Variants in RBPJ observed in about 807,000 individuals in gnomAD.
The protein encoded by RBPJ is recombination signal binding protein for immunoglobulin kappa J region, also known as recombining binding protein suppressor of hairless.
Under a neutral mutation model 67.8 loss-of-function variants are expected in RBPJ, and 9 were observed. The ratio of observed to expected loss-of-function variants is 0.13; its 90% CI spans 0.08 to 0.23. The LOEUF is 0.23. Among genes scored for constraint, RBPJ ranks in the 10% least tolerant of loss-of-function variants. The pLI, the probability that RBPJ is intolerant of heterozygous loss-of-function variation, is 1.00. For missense variants in RBPJ, 305 were observed against 595.6 expected (o/e 0.51, Z 5.08); for synonymous variants, 198 against 203.3 (o/e 0.97, Z 0.22).
Position 26,198,561 on chromosome 4 carries a change from T to C in RBPJ, c.-167+34947T>C, listed in dbSNP as rs141715010. On this transcript the variant is annotated intron_variant, in intron 1 of 4. Coordinates refer to the RBPJ transcript ENST00000512351. The stretch of plus-strand genomic sequence containing the variant: ...GTAGCATTTATCTTGTGCCAGACCC[T>C]GTTCTATTTGAATATATTAACTCAA... 1.5e-3 allele frequency among the ~76,000 whole-genome samples: 230 copies of C among 152,370 alleles called. 6 individuals are homozygous for C. The highest frequency in any genetic ancestry group is 5.4e-3 in the African/African-American group (223 of 41,588).
the RBPJ span, among the ~76,000 whole-genome samples, chr4:26,135,666 T>C: frequency 6.6e-6 from 1 of 152,234 alleles, no homozygotes; most frequent in East Asian, 1.9e-4. Context: ...CTAAAAGGCC[T>C]GGCTAGGTAT....
chr4:26,243,339 G>A (rs1719714514), intron 1 of RBPJ, among the ~76,000 whole-genome samples: 2 of 152,340 alleles, frequency 1.3e-5, no homozygotes, highest in South Asian at 2.1e-4. Context: ...AATAAATGAA[G>A]TGAGTCTGTC....
intron 1 of RBPJ, among the ~76,000 whole-genome samples, chr4:26,299,499 A>G (rs1721998407): frequency 6.6e-6 from 1 of 152,190 alleles, no homozygotes; most frequent in Admixed American, 6.6e-5. Context: ...GAACTAATAT[A>G]GCATTTTAGG....
chr4:26,254,670 G>T (rs1248451144), intron 1 of RBPJ, among the ~76,000 whole-genome samples: 5 of 147,018 alleles, frequency 3.4e-5, no homozygotes, highest in African/African-American at 1.4e-4. Context: ...ATGCTATATA[G>T]CATGTTTATT....
intron 1 of RBPJ, among the ~76,000 whole-genome samples, chr4:26,263,850 G>A (rs1283777490): frequency 6.6e-6 from 1 of 151,072 alleles, no homozygotes; most frequent in African/African-American, 2.4e-5. Context: ...GATTACAGGC[G>A]TGAGCCACAG....
chr4:26,318,795 G>C (rs1022162792), upstream of RBPJ, among the ~76,000 whole-genome samples: 6 of 151,826 alleles, frequency 4.0e-5, no homozygotes, highest in Non-Finnish European at 7.4e-5. Flanking sequence ...TCAGGAGATC[G>C]AGACCATCCT....
chr4:26,315,085 C>A (rs560248744), upstream of RBPJ, among the ~76,000 whole-genome samples: 78 of 134,286 alleles, frequency 5.8e-4, 1 homozygote, highest in African/African-American at 2.0e-3. Flanking sequence ...GGGGAGGTTG[C>A]AGAGCACGGA....
intron 1 of RBPJ, among the ~76,000 whole-genome samples, chr4:26,244,452 T>TATGTGTGTACAC (rs1560226681): frequency 9.1e-5 from 1 of 11,030 alleles, no homozygotes; most frequent in Non-Finnish European, 2.1e-4. Context: ...TGTGTATACA[T>TATGTGTGTACAC]ATATGTGTGT....
intron 1 of RBPJ, among the ~76,000 whole-genome samples, chr4:26,182,247 C>G (rs1048314903): frequency 6.6e-6 from 1 of 151,950 alleles, no homozygotes; most frequent in Non-Finnish European, 1.5e-5. Context: ...GAGGCTGAGA[C>G]AGGAGAATGG....
chr4:26,375,695 A>T (rs886728718), intron 1 of RBPJ, among the ~76,000 whole-genome samples: 1 of 152,222 alleles, frequency 6.6e-6, no homozygotes, highest in Admixed American at 6.5e-5. Flanking sequence ...GTTTTCCATA[A>T]TCACATTGTG....
rs1736477003 is a variant in RBPJ, at chr4:26,434,192, T to G, written c.*3185T>G. On this transcript the variant is annotated 3_prime_UTR_variant, in exon 11 of 11. Transcript: ENST00000355476. ...TGGCAATTAAAGGCATGTTTATACA[T>G]GACTTAATCGTGAAATGTTTGTCAC... The G allele has an allele frequency of 6.6e-6, 1 of 152,268 alleles. No homozygotes were observed. The allele number at this position is 152,268 out of a possible 1,614,324, so 9.4% of individuals were successfully genotyped here. A position where few individuals can be genotyped will look rare whatever the true frequency, so the allele number is the denominator to read the frequency against.
intron 1 of RBPJ, among the ~76,000 whole-genome samples, chr4:26,275,616 G>GT (rs869248480): frequency 1.5e-5 from 2 of 135,190 alleles, no homozygotes; most frequent in Admixed American, 1.6e-4. Context: ...CAAATCATAG[G>GT]TTTTTTGTTT....
intron 1 of RBPJ, among the ~76,000 whole-genome samples, chr4:26,362,974 A>G (rs191785774): frequency 3.9e-5 from 6 of 152,304 alleles, no homozygotes; most frequent in Admixed American, 1.3e-4. Context: ...AGTTCTCTAC[A>G]GAACTGTCAT....
the RBPJ span, among the ~76,000 whole-genome samples, chr4:26,142,972 G>A: frequency 6.6e-6 from 1 of 152,130 alleles, no homozygotes; most frequent in Non-Finnish European, 1.5e-5. Flanking sequence ...AGTAGAGATG[G>A]GGTTTCATCA....
chr4:26,263,158 A>G (rs1294012503), intron 1 of RBPJ, among the ~76,000 whole-genome samples: 1 of 151,546 alleles, frequency 6.6e-6, no homozygotes, highest in Non-Finnish European at 1.5e-5. Context: ...AAGCTGATGT[A>G]ACAAATAAAC....
rs145130316 is a variant in RBPJ at position 26,255,814 on chromosome 4, A to G, written c.-167+92200A>G. On this transcript the variant is annotated intron_variant, in intron 1 of 4. Coordinates refer to the RBPJ transcript ENST00000512351. ...AAGACTCCGTCTCAAAAAAAAAAAA[A>G]AAAAGAAAAGAAAAAAGAAAATCAC... Among the ~76,000 whole-genome samples the G allele has an allele frequency of 1.5e-3, 223 of 151,568 alleles. 5 individuals are homozygous for G. The East Asian group carries it at 0.034, about 23-fold the overall frequency.
chr4:26,158,391 G>C, the RBPJ span, among the ~76,000 whole-genome samples: 2 of 152,098 alleles, frequency 1.3e-5, no homozygotes, highest in African/African-American at 4.8e-5. Context: ...TTTTTCCCTG[G>C]TATCCTTCGG....
intron 1 of RBPJ, among the ~76,000 whole-genome samples, chr4:26,352,082 C>T (rs1031792411): frequency 8.5e-5 from 13 of 152,170 alleles, no homozygotes; most frequent in East Asian, 1.9e-4. Flanking sequence ...CTCCTGCAGC[C>T]TTGTCCTAAT....
chr4:26,425,928 C>G (rs3109829), intron 7 of RBPJ, among the ~76,000 whole-genome samples: 1 of 151,456 alleles, frequency 6.6e-6, no homozygotes, highest in African/African-American at 2.4e-5. Flanking sequence ...CTACAGTTTT[C>G]TAAGCCAGTG....
Sources: allele counts gnomAD v4.1 joint callset (sites outside exome capture counted in the v4.1 genomes callset), GRCh38; gene constraint gnomAD v4.1.1; transcripts MANE v1.5; gene names NCBI Gene and HGNC (gene_info 2026-07-23, HGNC 2026-07-21).